Variants in NALCN observed in about 807,000 individuals in gnomAD.
NALCN encodes the protein sodium leak channel NALCN.
In NALCN, 111 loss-of-function variants were observed where a neutral mutation model predicts 225.3. The observed-to-expected ratio is 0.49, with a 90% CI of 0.42 to 0.58. The LOEUF is 0.58. Among genes scored for constraint, NALCN ranks in the 20% least tolerant of loss-of-function variants. NALCN has a pLI of 0.00. For missense variants in NALCN, 1,378 were observed against 2,202.4 expected, an observed-to-expected ratio of 0.63 and a Z score of 7.49; for synonymous variants, 764 against 769.0, an observed-to-expected ratio of 0.99 and a Z score of 0.11.
At chr13:101,349,239 A>G (rs1317398671) in intron 6 of NALCN, among the ~76,000 whole-genome samples, 1 of 152,182 alleles carries the variant, frequency 6.6e-6, no homozygotes, top group Non-Finnish European at 1.5e-5. Context: ...TGTGACTCCA[A>G]GACAATGAAA....
intron 37 of NALCN, among the ~76,000 whole-genome samples, chr13:101,072,847 C>T (rs2032989895): frequency 6.6e-6 from 1 of 152,142 alleles, no homozygotes; most frequent in Admixed American, 6.6e-5. Flanking sequence ...TTGTGTTAGC[C>T]ACATTTTAAA....
intron 4 of NALCN, among the ~76,000 whole-genome samples, chr13:101,377,615 A>G (rs1383826156): frequency 2.0e-5 from 3 of 152,184 alleles, no homozygotes; most frequent in African/African-American, 7.2e-5. Flanking sequence ...ACTTTATAAA[A>G]ATATGAAAGG....
rs2039903031 is a variant in NALCN at position 101,196,647 on chromosome 13, TAGC to T, written c.1627-4596_1627-4594del. Among the ~76,000 whole-genome samples the T allele has an allele frequency of 2.6e-5, 4 of 152,176 alleles. No individual in the cohort carries two copies. In the South Asian group the frequency reaches 8.3e-4, roughly 32 times the overall value. ...GAGAGGGGTACAGGGAGAGAAGTAT[TAGC>T]TGAGGCTGTGTATGGGCAATTATGC... On this transcript the variant is annotated intron_variant, in intron 13 of 43. Transcript: ENST00000251127.
At chr13:101,321,197 T>C (rs2044735560) in intron 7 of NALCN, among the ~76,000 whole-genome samples, 1 of 152,150 alleles carries the variant, frequency 6.6e-6, no homozygotes, top group Non-Finnish European at 1.5e-5. Context: ...TCTAAAATCC[T>C]ATAACCTTAA....
chr13:101,360,189 C>CCT (rs759523803), intron 6 of NALCN, among the ~76,000 whole-genome samples: 7,102 of 88,912 alleles, frequency 0.08, 558 homozygotes, highest in East Asian at 0.12. Flanking sequence ...TTCCTCTCTT[C>CCT]CTCTCTCTCT....
chr13:101,123,075 A>G (rs993418300), intron 18 of NALCN, among the ~76,000 whole-genome samples: 1 of 152,156 alleles, frequency 6.6e-6, no homozygotes, highest in African/African-American at 2.4e-5. Flanking sequence ...AGGGTGAAAA[A>G]GGTAAAGTGA....
At chr13:101,090,329 G>A (rs557902416) in intron 28 of NALCN, among the ~76,000 whole-genome samples, 46 of 152,286 alleles carry the variant, frequency 3.0e-4, no homozygotes, top group African/African-American at 1.1e-3. Context: ...CTGGACAGAT[G>A]ATTTTATCGA....
chr13:101,237,592 A>G (rs1173122490), intron 12 of NALCN, among the ~76,000 whole-genome samples, 163 bp downstream of exon 12: 2 of 151,552 alleles, frequency 1.3e-5, no homozygotes, highest in Admixed American at 6.6e-5. Context: ...CACTTTTCTA[A>G]TTTGTAAGAT....
chr13:101,144,000 C>G (rs1468187857), intron 16 of NALCN, among the ~76,000 whole-genome samples: 1 of 152,044 alleles, frequency 6.6e-6, no homozygotes, highest in Non-Finnish European at 1.5e-5. Context: ...ATTAGAAATG[C>G]AAATATATTT....
chr13:101,279,922 C>T (rs938127828), intron 10 of NALCN, among the ~76,000 whole-genome samples: 1 of 151,020 alleles, frequency 6.6e-6, no homozygotes, highest in Non-Finnish European at 1.5e-5. Context: ...GGGTAAGATA[C>T]CATGGTAGTC....
chr13:101,108,631 C>T (rs1310487708), intron 20 of NALCN, among the ~76,000 whole-genome samples: 3 of 152,096 alleles, frequency 2.0e-5, no homozygotes, highest in African/African-American at 7.2e-5. Flanking sequence ...TCTTCCAGAG[C>T]TAGGAGCAGG....
rs531136877 is a variant in NALCN, at chr13:101,295,265, A to T, written c.800-2899T>A. On this transcript the variant is annotated intron_variant, in intron 7 of 43. Transcript: ENST00000251127. ...CTTTGCTTTATGTGCACTGAATATG[A>T]AACATATTTTTAACATTAAACAAAC... Among the ~76,000 whole-genome samples the T allele has an allele frequency of 3.3e-5, 5 of 152,310 alleles. No homozygotes were observed. The East Asian group carries it at 9.6e-4, about 29-fold the overall frequency.
At chr13:101,062,244 G>A (rs537938655) in intron 40 of NALCN, 126 bp from the exon 41 acceptor site, 19 of 1,056,194 alleles carry the variant, frequency 1.8e-5, no homozygotes, top group South Asian at 6.4e-5. Flanking sequence ...GCCACCCCTC[G>A]CCACCCGCAT....
intron 28 of NALCN, among the ~76,000 whole-genome samples, chr13:101,094,901 A>T (rs923369116): frequency 3.5e-4 from 53 of 152,212 alleles, no homozygotes; most frequent in Admixed American, 3.5e-3. Flanking sequence ...AAGAAAACTT[A>T]AAAAACAGAT....
At chr13:101,275,371 A>T (rs2042936807) in intron 10 of NALCN, among the ~76,000 whole-genome samples, 1 of 152,230 alleles carries the variant, frequency 6.6e-6, no homozygotes, top group Admixed American at 6.5e-5. Flanking sequence ...ACAGGCAGAG[A>T]AAGGCCGAAT....
chr13:101,176,791 G>A (rs951792265), intron 14 of NALCN, among the ~76,000 whole-genome samples: 5 of 152,156 alleles, frequency 3.3e-5, no homozygotes, highest in Admixed American at 2.6e-4. Context: ...AGTCAATACA[G>A]TTATAGAGAT....
At chr13:101,269,211 C>CATATATATATATATATATATAT (rs60240326) in intron 10 of NALCN, among the ~76,000 whole-genome samples, 68 of 145,516 alleles carry the variant, frequency 4.7e-4, no homozygotes, top group South Asian at 2.0e-3. Context: ...AGAAAAAGCT[C>CATATATATATATATATATATAT]ATATATATAT....
At chr13:101,355,962 T>C (rs971185419) in intron 6 of NALCN, among the ~76,000 whole-genome samples, 1 of 152,104 alleles carries the variant, frequency 6.6e-6, no homozygotes, top group Non-Finnish European at 1.5e-5. Flanking sequence ...GAGTAAATAA[T>C]GAAGTTAAGG....
At chr13:101,130,178 T>A (rs2139725731) in intron 17 of NALCN, among the ~76,000 whole-genome samples, 1 of 151,950 alleles carries the variant, frequency 6.6e-6, no homozygotes, top group Non-Finnish European at 1.5e-5. Flanking sequence ...AGAGCACTCT[T>A]GATTATCAAG....
Sources: allele counts gnomAD v4.1 joint callset (sites outside exome capture counted in the v4.1 genomes callset), GRCh38; gene constraint gnomAD v4.1.1; transcripts MANE v1.5; gene names NCBI Gene and HGNC (gene_info 2026-07-23, HGNC 2026-07-21).